Variants in CELF5 observed in about 807,000 individuals in gnomAD.
CELF5 encodes CUGBP Elav-like family member 5.
Under a neutral mutation model 54.9 loss-of-function variants are expected in CELF5, and 6 were observed. That is an observed-to-expected ratio of 0.11 (90% CI 0.06 to 0.22). The LOEUF (loss-of-function observed/expected upper bound fraction) is 0.22. Ranked by LOEUF, CELF5 falls within the 10% of genes least tolerant of loss-of-function variation. The probability of loss-of-function intolerance (pLI) is 1.00; values close to 1 mark genes in which losing one functional copy is unlikely to be tolerated. For synonymous variants in CELF5, 271 were observed against 290.9 expected, an observed-to-expected ratio of 0.93 and a Z score of 0.70; for missense variants, 401 against 678.6, an observed-to-expected ratio of 0.59 and a Z score of 4.54.
chr19:3,287,224 A>T (rs2080267600), intron 10 of CELF5, among the ~76,000 whole-genome samples: 1 of 151,456 alleles, frequency 6.6e-6, no homozygotes, highest in African/African-American at 2.4e-5. Context: ...CAGAATATTG[A>T]GTGAAAGAAG....
intron 12 of CELF5, chr19:3,295,423 C>T (rs1467812640): frequency 1.3e-5 from 2 of 152,040 alleles, no homozygotes; most frequent in Admixed American, 1.3e-4. Context: ...ATCATGGGAC[C>T]AAACTTTTCC....
intron 1 of CELF5, among the ~76,000 whole-genome samples, 181 bp from the exon 2 acceptor site, chr19:3,250,804 A>T (rs989348743): frequency 1.3e-5 from 2 of 152,164 alleles, no homozygotes; most frequent in Non-Finnish European, 2.9e-5. Flanking sequence ...CCTGTGTCAG[A>T]ATTTCCTTCC....
chr19:3,289,681 C>CAA (rs35144942), intron 10 of CELF5, among the ~76,000 whole-genome samples: 1,757 of 47,094 alleles, frequency 0.037, 392 homozygotes, highest in Admixed American at 0.052. Context: ...GACTCCATCT[C>CAA]AAAAAAAAAA....
chr19:3,256,719 CA>C (rs2145084489), intron 2 of CELF5, among the ~76,000 whole-genome samples: 1 of 151,764 alleles, frequency 6.6e-6, no homozygotes, highest in Admixed American at 6.6e-5. Flanking sequence ...AGGCATGTGC[CA>C]CCGTGCCATG....
chr19:3,256,210 C>T (rs1427417366), intron 2 of CELF5, among the ~76,000 whole-genome samples: 5 of 152,106 alleles, frequency 3.3e-5, no homozygotes, highest in Non-Finnish European at 1.5e-5. Flanking sequence ...CTAAAGTATT[C>T]GTGGGTAACT....
Position 3,274,743 on chromosome 19 carries a change from G to A in CELF5, c.394+820G>A, listed in dbSNP as rs1330508038. Among the ~76,000 whole-genome samples the A allele has an allele frequency of 2.6e-5, 4 of 152,138 alleles. No individual in the cohort carries two copies. The East Asian group carries it at 7.7e-4, about 29-fold the overall frequency. On this transcript the variant is annotated intron_variant, in intron 3 of 12. Coordinates refer to ENST00000292672, the MANE Select transcript of CELF5 (RefSeq NM_021938.4). ...GGCAGCCAGATTTGGTTGAGTGGAG[G>A]CATGGAGCAGGAGTGTTAGGATACC...
chr19:3,256,506 A>C (rs2079728133), intron 2 of CELF5, among the ~76,000 whole-genome samples: 1 of 151,870 alleles, frequency 6.6e-6, no homozygotes, highest in Admixed American at 6.6e-5. Flanking sequence ...GGTGACTTTC[A>C]GAGCAATGAC....
intron 9 of CELF5, 25 bp from the exon 10 acceptor site, chr19:3,285,917 C>T (rs2080239662): frequency 1.3e-6 from 2 of 1,542,836 alleles, no homozygotes; most frequent in Non-Finnish European, 1.7e-6. Flanking sequence ...CCTCCTCGCC[C>T]TGTGTCTCGC....
intron 1 of CELF5, among the ~76,000 whole-genome samples, chr19:3,246,359 GTCTCTC>G (rs113436630): frequency 1.4e-5 from 2 of 146,848 alleles, no homozygotes; most frequent in Non-Finnish European, 3.0e-5. Context: ...TTGAGACTCA[GTCTCTC>G]TCTCTCTCTC....
intron 11 of CELF5, among the ~76,000 whole-genome samples, chr19:3,291,683 A>G (rs2080350917): frequency 6.6e-6 from 1 of 150,920 alleles, no homozygotes; most frequent in African/African-American, 2.4e-5. Context: ...ACCCCGAGGC[A>G]GGACGGCGCC....
chr19:3,266,173 C>T (rs1224093767), intron 2 of CELF5, among the ~76,000 whole-genome samples: 4 of 152,128 alleles, frequency 2.6e-5, no homozygotes, highest in African/African-American at 7.2e-5. Flanking sequence ...AAGAGTGGGA[C>T]GTTTCGGGTC....
At chr19:3,264,711 C>T (rs1286737732) in intron 2 of CELF5, among the ~76,000 whole-genome samples, 6 of 140,534 alleles carry the variant, frequency 4.3e-5, no homozygotes, top group African/African-American at 1.1e-4. Context: ...CCACCACACC[C>T]GGCCTTTTTT....
At chr19:3,229,770 G>A (rs1917160135) in intron 1 of CELF5, among the ~76,000 whole-genome samples, 2 of 152,314 alleles carry the variant, frequency 1.3e-5, no homozygotes, top group South Asian at 2.1e-4. Flanking sequence ...GGCCCGAAGC[G>A]TGAGGAGGAT....
At chr19:3,232,259 A>G (rs1055506653) in intron 1 of CELF5, among the ~76,000 whole-genome samples, 7 of 152,200 alleles carry the variant, frequency 4.6e-5, no homozygotes, top group Admixed American at 2.6e-4. Flanking sequence ...AATTGGAACT[A>G]ATTTATATGA....
At chr19:3,293,623 G>T in intron 12 of CELF5, 137 bp downstream of exon 12, 3 of 736,906 alleles carry the variant, frequency 4.1e-6, no homozygotes, top group South Asian at 1.9e-5. Flanking sequence ...TCCGGGTTGG[G>T]TTGGCGGGGA....
intron 12 of CELF5, 110 bp downstream of exon 12, chr19:3,293,596 A>G: frequency 2.3e-6 from 2 of 881,386 alleles, no homozygotes; most frequent in Non-Finnish European, 3.4e-6. Context: ...TGATGCTTCA[A>G]GAGGCTACAA....
At chr19:3,244,349 G>C (rs1227281357) in intron 1 of CELF5, among the ~76,000 whole-genome samples, 6 of 151,992 alleles carry the variant, frequency 3.9e-5, no homozygotes, top group African/African-American at 1.5e-4. Context: ...ATTGCATTGT[G>C]TGTGTAGTGT....
At chr19:3,290,782 G>T (rs1403954805) in intron 11 of CELF5, among the ~76,000 whole-genome samples, 2 of 150,488 alleles carry the variant, frequency 1.3e-5, no homozygotes, top group African/African-American at 4.9e-5. Context: ...TAGCCAGGAA[G>T]GTCTCCATCT....
chr19:3,285,703 C>T (rs2080233594), intron 9 of CELF5, among the ~76,000 whole-genome samples: 1 of 121,718 alleles, frequency 8.2e-6, no homozygotes, highest in Non-Finnish European at 1.7e-5. Flanking sequence ...GGTATTGGCC[C>T]TGCCCTCCAC....
Sources: gnomAD v4.1 joint callset for allele counts (sites outside exome capture counted in the v4.1 genomes callset) on GRCh38, gnomAD v4.1.1 for gene constraint, MANE v1.5 for transcripts, NCBI Gene and HGNC (gene_info 2026-07-23, HGNC 2026-07-21) for gene names.